Variants in DIAPH1 observed in about 807,000 individuals in gnomAD.
DIAPH1 encodes the protein diaphanous related formin 1, also known as protein diaphanous homolog 1.
Under a neutral mutation model 140.7 loss-of-function variants are expected in DIAPH1, and 46 were observed. That is an observed-to-expected ratio of 0.33 (90% CI 0.26 to 0.42). DIAPH1 has a LOEUF of 0.42. Among genes scored for constraint, DIAPH1 ranks in the 10% least tolerant of loss-of-function variants. The probability of loss-of-function intolerance (pLI) is 1.00; values close to 1 mark genes in which losing one functional copy is unlikely to be tolerated. For missense variants in DIAPH1, 1,310 were observed against 1,558.7 expected (o/e 0.84, Z 2.69); for synonymous variants, 565 against 551.6 (o/e 1.02, Z -0.34).
chr5:141,539,430 G>GTTTTTTTTTTTT (rs374210300), intron 18 of DIAPH1, among the ~76,000 whole-genome samples: 2 of 131,844 alleles, frequency 1.5e-5, no homozygotes, highest in Admixed American at 7.7e-5. Flanking sequence ...TTTTTTTTTT[G>GTTTTTTTTTTTT]TTTTTTTTTT....
At position 141,579,080 on chromosome 5, in the gene DIAPH1, A is replaced by G; in HGVS notation, c.933+8T>C. On this transcript the variant is annotated splice_region_variant and intron_variant, in intron 9 of 27. Coordinates refer to ENST00000389054, the MANE Select transcript of DIAPH1 (RefSeq NM_005219.5). ...ATTCTTGGGCCCAGTTTCAGGGGAT[A>G]TACATGCCTTCAGTGCAATAGTGGT... The G allele has an allele frequency of 6.2e-7, 1 of 1,605,072 alleles. No homozygotes were observed. The highest frequency in any genetic ancestry group is 2.2e-5 in the East Asian group (1 of 44,842).
intron 18 of DIAPH1, chr5:141,560,993 T>C (rs1002819943): frequency 2.0e-5 from 9 of 452,160 alleles, no homozygotes; most frequent in African/African-American, 1.6e-4. Flanking sequence ...GAAAGTCACC[T>C]GATCTTCTCC....
intron 1 of DIAPH1, among the ~76,000 whole-genome samples, chr5:141,610,127 A>ATTTCTTTC (rs531563380): frequency 6.6e-6 from 1 of 151,528 alleles, no homozygotes; most frequent in African/African-American, 2.4e-5. Context: ...GTGAGACCCC[A>ATTTCTTTC]TTTCTTTCTT....
chr5:141,535,698 G>GA (rs2099888903), intron 18 of DIAPH1, among the ~76,000 whole-genome samples: 2 of 152,180 alleles, frequency 1.3e-5, no homozygotes, highest in South Asian at 4.2e-4. Flanking sequence ...CAATACATAG[G>GA]AAAAAACCAA....
In DIAPH1 at chr5:141,573,706, G is replaced by C. The variant is rs369743620; in HGVS notation, c.2144C>G (p.Pro715Arg). The C allele has an allele frequency of 1.3e-6, 2 of 1,597,610 alleles. No individual in the cohort carries two copies. Among genetic ancestry groups the C allele is most frequent in the African/African-American group, 1.3e-5 (1 of 74,164 alleles). Residue 715 changes from proline to arginine, a missense_variant, in exon 16 of 28, where the codon CCT becomes CGT. This residue lies in a region of DIAPH1 where 589 missense variants were observed against 549.3 expected (regional missense o/e 1.07). Transcript: ENST00000389054. ...ACCACCAGGAAGAGGGGGAGGAGGA[G>C]GTGGCATTCCTGCTTCTCCAGGCAA... is the stretch of plus-strand genomic sequence containing the variant. ...PPLPGEAGMP[P>R]PPPPLPGGPG...
At chr5:141,581,917 G>A (rs535793020) in intron 7 of DIAPH1, 17 of 166,932 alleles carry the variant, frequency 1.0e-4, no homozygotes, top group South Asian at 4.4e-4. Flanking sequence ...AAAAATACCC[G>A]GGCGTGGTGG....
chr5:141,543,023 A>C (rs550117081), intron 18 of DIAPH1, among the ~76,000 whole-genome samples: 2 of 152,248 alleles, frequency 1.3e-5, no homozygotes, highest in African/African-American at 4.8e-5. Context: ...ATGCATGCTG[A>C]AGAATTTAAG....
At chr5:141,529,464 C>T (rs1179745077) in intron 20 of DIAPH1, 139 bp downstream of exon 20, 1 of 936,898 alleles carries the variant, frequency 1.1e-6, no homozygotes, top group African/African-American at 1.6e-5. Context: ...ATCTGACCAC[C>T]AGAGAAAAGG....
intron 24 of DIAPH1, 88 bp from the exon 25 acceptor site, chr5:141,526,549 G>T: frequency 6.7e-7 from 1 of 1,492,786 alleles, no homozygotes; most frequent in Non-Finnish European, 9.3e-7. Context: ...ATGAGTACTG[G>T]CATGCAAAGG....
At chr5:141,556,131 G>GT (rs1331010623) in intron 18 of DIAPH1, among the ~76,000 whole-genome samples, 1 of 152,128 alleles carries the variant, frequency 6.6e-6, no homozygotes, top group Non-Finnish European at 1.5e-5. Flanking sequence ...GTCTCAGGGA[G>GT]TATCTCCAAA....
chr5:141,542,740 T>C (rs1046091667), intron 18 of DIAPH1, among the ~76,000 whole-genome samples: 1 of 152,192 alleles, frequency 6.6e-6, no homozygotes, highest in African/African-American at 2.4e-5. Flanking sequence ...AGGATTTCTT[T>C]TGGGAGTGAT....
At chr5:141,615,597 G>A (rs1014160572) in intron 1 of DIAPH1, among the ~76,000 whole-genome samples, 7 of 151,964 alleles carry the variant, frequency 4.6e-5, no homozygotes, top group African/African-American at 1.7e-4. Context: ...AAAAAAATTA[G>A]CCAGGCGTGG....
intron 18 of DIAPH1, among the ~76,000 whole-genome samples, chr5:141,548,934 G>A (rs1436063993): frequency 6.6e-6 from 1 of 152,170 alleles, no homozygotes; most frequent in Non-Finnish European, 1.5e-5. Flanking sequence ...TACTCACTAG[G>A]AGGATAGTAA....
intron 1 of DIAPH1, among the ~76,000 whole-genome samples, chr5:141,589,918 CT>C (rs998895903): frequency 2.1e-3 from 308 of 144,562 alleles, no homozygotes; most frequent in Non-Finnish European, 2.0e-3. Flanking sequence ...TATAGTAAAT[CT>C]TTTTTTTTTT....
In DIAPH1 at chr5:141,516,472, A is replaced by G. The variant is rs550007986; in HGVS notation, c.*379T>C. 4 of 314,958 alleles carry G rather than the reference A, an allele frequency of 1.3e-5. 1 individual carries two copies. Among genetic ancestry groups the G allele is most frequent in the South Asian group, 1.3e-4 (4 of 31,778 alleles). 19.5% of individuals were successfully genotyped at this position (314,958 alleles called of 1,614,324 possible). A position where few individuals can be genotyped will look rare whatever the true frequency, so the allele number is the denominator to read the frequency against. ...ACAAAAGAAAAGCACAAATCCAGCA[A>G]GACTGACCTAGGGGGGAAAGCCCAT... On this transcript the variant is annotated 3_prime_UTR_variant, in exon 28 of 28. Coordinates refer to ENST00000389054, the MANE Select transcript of DIAPH1 (RefSeq NM_005219.5).
At chr5:141,592,251 G>C (rs1253936833) in intron 1 of DIAPH1, among the ~76,000 whole-genome samples, 3 of 152,004 alleles carry the variant, frequency 2.0e-5, no homozygotes, top group Non-Finnish European at 4.4e-5. Context: ...AGCCCAGTCA[G>C]TACAAGCAAA....
intron 18 of DIAPH1, among the ~76,000 whole-genome samples, chr5:141,540,257 A>T (rs541148142): frequency 6.6e-6 from 1 of 150,858 alleles, no homozygotes; most frequent in African/African-American, 2.4e-5. Context: ...AGTAGCTGGG[A>T]TTACAGGCAC....
At chr5:141,610,108 G>A in intron 1 of DIAPH1, among the ~76,000 whole-genome samples, 1 of 152,056 alleles carries the variant, frequency 6.6e-6, no homozygotes, top group Non-Finnish European at 1.5e-5. Flanking sequence ...GACCAGCCTG[G>A]GCAACATAGT....
intron 1 of DIAPH1, chr5:141,618,374 GAGA>G (rs2099903036): frequency 6.4e-6 from 1 of 156,202 alleles, no homozygotes; most frequent in Non-Finnish European, 1.4e-5. Flanking sequence ...TGACCTTTAG[GAGA>G]AGGAAATACG....
Sources: allele counts gnomAD v4.1 joint callset (sites outside exome capture counted in the v4.1 genomes callset), GRCh38; gene constraint gnomAD v4.1.1; regional missense constraint gnomAD v4.1.1; transcripts MANE v1.5; gene names NCBI Gene and HGNC (gene_info 2026-07-23, HGNC 2026-07-21).